STMP1: variants seen among roughly 807,000 people sequenced by gnomAD.
STMP1 encodes the protein mitolamban.
STMP1 carries 7 observed loss-of-function variants against 7.0 expected under a neutral mutation model. That is an observed-to-expected ratio of 1.01 (90% CI 0.57 to 1.89). The LOEUF is 1.89. Among genes scored for constraint, STMP1 ranks in the 40% most tolerant of loss-of-function variants. The pLI is 0.00. For synonymous variants in STMP1, 19 were observed against 18.4 expected (o/e 1.03, Z -0.08); for missense variants, 45 against 53.0 (o/e 0.85, Z 0.47).
intron 1 of STMP1, among the ~76,000 whole-genome samples, chr7:135,671,032 C>T (rs189864823): frequency 5.3e-4 from 81 of 152,238 alleles, no homozygotes; most frequent in African/African-American, 1.5e-3. Flanking sequence ...CTTGTTTTCT[C>T]TTCTTTTAAG....
In STMP1 at chr7:135,674,343, C is replaced by T. The variant is rs1236576400; in HGVS notation, c.*178C>T. On this transcript the variant is annotated 3_prime_UTR_variant, in exon 3 of 3. Transcript: ENST00000507606. Reference sequence around the variant, plus strand: ...ATGGGGCCCCAATTTGAGAACTACCCGACATTTCCAACATACTCACCTCTT... The same window carrying T: ...ATGGGGCCCCAATTTGAGAACTACCTGACATTTCCAACATACTCACCTCTT... 2 of 554,086 alleles carry T rather than the reference C, an allele frequency of 3.6e-6. No homozygotes were observed. Among genetic ancestry groups the T allele is most frequent in the African/African-American group, 1.9e-5 (1 of 52,552 alleles). 34.3% of individuals were successfully genotyped at this position (554,086 alleles called of 1,614,324 possible).
At chr7:135,673,759 C>T (rs939483349) in intron 2 of STMP1, among the ~76,000 whole-genome samples, 7 of 152,178 alleles carry the variant, frequency 4.6e-5, no homozygotes, top group Middle Eastern at 6.8e-3. Flanking sequence ...GGCAGTGTGA[C>T]GAAAGCCCAT....
At chr7:135,666,918 A>G (rs755374746) in intron 1 of STMP1, among the ~76,000 whole-genome samples, 1 of 152,204 alleles carries the variant, frequency 6.6e-6, no homozygotes, top group Non-Finnish European at 1.5e-5. Context: ...TGGTATCTTT[A>G]TGCTCAACTT....
At chr7:135,665,159 G>A (rs747633339) in intron 1 of STMP1, among the ~76,000 whole-genome samples, 4 of 152,146 alleles carry the variant, frequency 2.6e-5, no homozygotes, top group Non-Finnish European at 4.4e-5. Flanking sequence ...TCTCAAGTGG[G>A]GATTAGCTTC....
At chr7:135,668,673 G>A (rs1480956575) in intron 1 of STMP1, among the ~76,000 whole-genome samples, 1 of 152,184 alleles carries the variant, frequency 6.6e-6, no homozygotes, top group East Asian at 1.9e-4. Flanking sequence ...CAAAGTACTG[G>A]GATTACAAGC....
chr7:135,672,338 C>A (rs1213653606), intron 1 of STMP1, among the ~76,000 whole-genome samples: 1 of 152,106 alleles, frequency 6.6e-6, no homozygotes, highest in African/African-American at 2.4e-5. Context: ...ATAACAATAT[C>A]CATAACCAAA....
Position 135,675,307 on chromosome 7 carries a change from A to G in STMP1, c.*1142A>G, listed in dbSNP as rs1307050963. The G allele has an allele frequency of 6.6e-6, 1 of 152,144 alleles. No individual in the cohort carries two copies. The highest frequency in any genetic ancestry group is 1.5e-5 in the Non-Finnish European group (1 of 68,022). 9.4% of individuals were successfully genotyped at this position (152,144 alleles called of 1,614,324 possible). On this transcript the variant is annotated 3_prime_UTR_variant, in exon 3 of 3. Transcript: ENST00000507606. Reference sequence around the variant, plus strand: ...TACTTTTGAGAAAGAGTCTGTGCCTAAACAAACACGTGTAACACAAATAGT... The same window carrying G: ...TACTTTTGAGAAAGAGTCTGTGCCTGAACAAACACGTGTAACACAAATAGT...
At chr7:135,671,220 A>G (rs1002751540) in intron 1 of STMP1, among the ~76,000 whole-genome samples, 2 of 152,174 alleles carry the variant, frequency 1.3e-5, no homozygotes, top group African/African-American at 4.8e-5. Flanking sequence ...AGACTCTTCT[A>G]TGATTTTTAT....
At chr7:135,672,619 GC>G in intron 1 of STMP1, 133 bp from the exon 2 acceptor site, 1 of 672,178 alleles carries the variant, frequency 1.5e-6, no homozygotes, top group Non-Finnish European at 2.6e-6. Context: ...GTTGTACACA[GC>G]CCTAGACTGG....
rs560886665 is a variant in STMP1 at position 135,676,258 on chromosome 7, G to A, written c.*2093G>A. 7.9e-5 allele frequency: 12 copies of A among 152,256 alleles called. No individual in the cohort carries two copies. Among genetic ancestry groups the A allele is most frequent in the African/African-American group, 2.6e-4 (11 of 41,560 alleles). The allele number at this position is 152,256 out of a possible 1,614,324, so 9.4% of individuals were successfully genotyped here. ...ATTTAATAGGTAAATTGCATGTCAC[G>A]GGTTTGTAGCTTATTCTTTCAGAAA... On this transcript the variant is annotated 3_prime_UTR_variant, in exon 3 of 3. Transcript: ENST00000507606.
chr7:135,674,270 C>A lies in STMP1; in HGVS notation c.*105C>A. 1 of 900,470 alleles carries A rather than the reference C, an allele frequency of 1.1e-6. No homozygotes were observed. Among genetic ancestry groups the A allele is most frequent in the Non-Finnish European group, 1.7e-6 (1 of 597,176 alleles). The allele number at this position is 900,470 out of a possible 1,614,324, so 55.8% of individuals were successfully genotyped here. ...TTTGTTTTCGTCTCCAGCCTCAGCA[C>A]TTCTCTTCTTTGCTAGACCCTGTGT... On this transcript the variant is annotated 3_prime_UTR_variant, in exon 3 of 3. Coordinates refer to ENST00000507606, the MANE Select transcript of STMP1 (RefSeq NM_001130929.2).
intron 1 of STMP1, among the ~76,000 whole-genome samples, chr7:135,662,936 C>G (rs1239165647): frequency 6.6e-6 from 1 of 152,184 alleles, no homozygotes; most frequent in African/African-American, 2.4e-5. Flanking sequence ...TCGTAGTCCG[C>G]CCCCCTTTCT....
chr7:135,667,021 G>A (rs1251437361), intron 1 of STMP1, among the ~76,000 whole-genome samples: 2 of 152,182 alleles, frequency 1.3e-5, no homozygotes, highest in South Asian at 4.1e-4. Context: ...CCACATCCTC[G>A]CCAACATTTC....
chr7:135,668,097 C>A (rs909413698), intron 1 of STMP1, among the ~76,000 whole-genome samples: 4 of 152,150 alleles, frequency 2.6e-5, no homozygotes, highest in Admixed American at 2.6e-4. Flanking sequence ...CCTTGGCACT[C>A]TTGTTGAAAA....
intron 2 of STMP1, 118 bp downstream of exon 2, chr7:135,672,924 ACTC>A: frequency 1.3e-6 from 1 of 772,460 alleles, no homozygotes; most frequent in Non-Finnish European, 2.2e-6. Context: ...CTGAGGCAAA[ACTC>A]CTGAATATTG....
chr7:135,662,802 A>G (rs1795248763), intron 1 of STMP1, among the ~76,000 whole-genome samples: 1 of 152,190 alleles, frequency 6.6e-6, no homozygotes, highest in Non-Finnish European at 1.5e-5. Context: ...TTCTGCAGCC[A>G]TCCAAGTCCC....
rs767398797 is a variant in STMP1 at position 135,662,546 on chromosome 7, C to T, written c.-34C>T. 11 of 1,545,832 alleles carry T rather than the reference C, an allele frequency of 7.1e-6. No individual in the cohort carries two copies. Among genetic ancestry groups the T allele is most frequent in the African/African-American group, 4.1e-5 (3 of 72,468 alleles). ...GACCGGCCCGCGGAGCTGCTGCAGT[C>T]CTTCGCGCCCTCCTCGCCCTCCCCA... On this transcript the variant is annotated 5_prime_UTR_variant, in exon 1 of 3. Transcript: ENST00000507606.
At position 135,674,157 on chromosome 7, in the gene STMP1, A is replaced by G; in HGVS notation, c.136A>G (p.Ser46Gly). 2.6e-6 allele frequency: 4 copies of G among 1,549,170 alleles called. No individual in the cohort carries two copies. Among genetic ancestry groups the G allele is most frequent in the Non-Finnish European group, 3.5e-6 (4 of 1,146,340 alleles). The change falls in exon 3 of 3, where the codon AGT becomes GGT. Residue 46 changes from serine (S) to glycine (G), a missense_variant. Ser to Gly is a moderately conservative substitution (Grantham distance 56, BLOSUM62 0). Transcript: ENST00000507606. ...KDLDAKKKPP[S>G]A is the part of the protein sequence containing the mutation. ...CTTGGATGCCAAGAAGAAACCCCCT[A>G]GTGCATGAGACTGCCTCCAGCACTG...
At chr7:135,669,953 ACT>A (rs140560780) in intron 1 of STMP1, among the ~76,000 whole-genome samples, 2,240 of 152,074 alleles carry the variant, frequency 0.015, 52 homozygotes, top group African/African-American at 0.048. Context: ...TTCTTAGTGT[ACT>A]CTCTATTTAT....
Sources: gnomAD v4.1 joint callset for allele counts (sites outside exome capture counted in the v4.1 genomes callset) on GRCh38, gnomAD v4.1.1 for gene constraint, MANE v1.5 for transcripts, NCBI Gene and HGNC (gene_info 2026-07-23, HGNC 2026-07-21) for gene names.